The following SCOC variants were observed in gnomAD, a reference collection of about 807,000 sequenced individuals.
SCOC encodes the protein short coiled-coil protein, also known as short coiled coil protein.
In SCOC, 7 loss-of-function variants were observed where a neutral mutation model predicts 9.9. The observed-to-expected ratio is 0.71, with a 90% CI of 0.40 to 1.33. SCOC has a LOEUF of 1.33. Among genes scored for constraint, SCOC ranks in the 40% most tolerant of loss-of-function variants. The probability of loss-of-function intolerance (pLI) is 0.01; values close to 1 mark genes in which losing one functional copy is unlikely to be tolerated. For missense variants in SCOC, 66 were observed against 89.7 expected (o/e 0.74, Z 1.07); for synonymous variants, 19 against 28.2 (o/e 0.67, Z 1.03).
chr4:140,332,292 A>T (rs1732838960), intron 1 of SCOC, among the ~76,000 whole-genome samples: 1 of 149,806 alleles, frequency 6.7e-6, no homozygotes, highest in Admixed American at 6.7e-5. Context: ...TGTGTTTCAT[A>T]GTCTTTCTCA....
intron 2 of SCOC, among the ~76,000 whole-genome samples, chr4:140,362,552 C>A (rs896632276): frequency 1.3e-5 from 2 of 151,600 alleles, no homozygotes; most frequent in Non-Finnish European, 2.9e-5. Flanking sequence ...ACCTCAGCCA[C>A]CAAAAGTGCT....
At chr4:140,257,986 T>C (rs1040575362) in intron 1 of SCOC, among the ~76,000 whole-genome samples, 18 of 152,220 alleles carry the variant, frequency 1.2e-4, no homozygotes, top group Admixed American at 7.2e-4. Context: ...ATCCCAGGCA[T>C]GAGTGGGGTC....
intron 1 of SCOC, among the ~76,000 whole-genome samples, chr4:140,301,369 T>C (rs570059797): frequency 1.3e-5 from 2 of 152,252 alleles, no homozygotes; most frequent in East Asian, 1.9e-4. Flanking sequence ...AATTTGAAAG[T>C]CTCTTCCCTC....
chr4:140,289,013 A>G (rs1000101398), intron 1 of SCOC, among the ~76,000 whole-genome samples: 1 of 152,088 alleles, frequency 6.6e-6, no homozygotes, highest in East Asian at 1.9e-4. Flanking sequence ...ATGTCCACAC[A>G]CATGACACAC....
At chr4:140,317,737 A>G (rs1455407193) in intron 1 of SCOC, among the ~76,000 whole-genome samples, 3 of 149,826 alleles carry the variant, frequency 2.0e-5, no homozygotes, top group Non-Finnish European at 4.4e-5. Flanking sequence ...TAGGGTACAT[A>G]TGCACATTGT....
rs1397571446 is a variant in SCOC, at chr4:140,382,701, A to G, written c.*1597A>G. The G allele has an allele frequency of 1.3e-5, 2 of 152,670 alleles. No homozygotes were observed. Among genetic ancestry groups the G allele is most frequent in the Admixed American group, 6.5e-5 (1 of 15,284 alleles). 9.5% of individuals were successfully genotyped at this position (152,670 alleles called of 1,614,324 possible). ...GGGGAATAATATTTTTATTAATACA[A>G]CTATAACTGGTTATCAATATAAATA... On this transcript the variant is annotated 3_prime_UTR_variant, in exon 4 of 4. Coordinates refer to ENST00000608372, the MANE Select transcript of SCOC (RefSeq NM_001153484.2).
At chr4:140,345,923 C>G (rs1399811858) in intron 2 of SCOC, among the ~76,000 whole-genome samples, 1 of 152,138 alleles carries the variant, frequency 6.6e-6, no homozygotes, top group African/African-American at 2.4e-5. Flanking sequence ...TACTGGATTC[C>G]AGATACAATG....
intron 1 of SCOC, among the ~76,000 whole-genome samples, chr4:140,290,939 G>A (rs1731452396): frequency 6.6e-6 from 1 of 152,094 alleles, no homozygotes; most frequent in African/African-American, 2.4e-5. Context: ...AACATGTGGG[G>A]GCTTTCTCAA....
chr4:140,301,207 C>T (rs1415520640), intron 1 of SCOC, among the ~76,000 whole-genome samples: 1 of 152,066 alleles, frequency 6.6e-6, no homozygotes, highest in African/African-American at 2.4e-5. Flanking sequence ...GCGGAATGTA[C>T]AAGTGAAGGA....
At chr4:140,354,326 C>T (rs1727111649) in intron 2 of SCOC, among the ~76,000 whole-genome samples, 1 of 152,034 alleles carries the variant, frequency 6.6e-6, no homozygotes, top group South Asian at 2.1e-4. Context: ...GAGCCCTTTG[C>T]CATACTGTAA....
intron 1 of SCOC, among the ~76,000 whole-genome samples, chr4:140,270,609 C>T (rs1264066854): frequency 6.6e-6 from 1 of 152,142 alleles, no homozygotes; most frequent in Non-Finnish European, 1.5e-5. Context: ...GGGTCTACCC[C>T]TCATTGCCTG....
intron 1 of SCOC, among the ~76,000 whole-genome samples, chr4:140,281,460 G>A (rs922129439): frequency 2.1e-4 from 32 of 152,308 alleles, no homozygotes; most frequent in African/African-American, 7.2e-4. Flanking sequence ...GCCATCCCAA[G>A]GCTCCACATA....
chr4:140,289,049 G>A (rs1731390141), intron 1 of SCOC, among the ~76,000 whole-genome samples: 1 of 151,954 alleles, frequency 6.6e-6, no homozygotes, highest in South Asian at 2.1e-4. Context: ...CAACATACAT[G>A]ACCTCACACA....
intron 1 of SCOC, among the ~76,000 whole-genome samples, chr4:140,333,974 G>A (rs1352364586): frequency 6.6e-6 from 1 of 152,146 alleles, no homozygotes; most frequent in Non-Finnish European, 1.5e-5. Flanking sequence ...CTGGAGTGCA[G>A]TGGTGTGATC....
intron 1 of SCOC, among the ~76,000 whole-genome samples, chr4:140,325,041 G>A (rs551344539): frequency 1.7e-4 from 26 of 152,048 alleles, no homozygotes; most frequent in Non-Finnish European, 3.5e-4. Flanking sequence ...AATATTGTCA[G>A]CTGATTTTTA....
chr4:140,273,005 C>G (rs556194414), intron 1 of SCOC, among the ~76,000 whole-genome samples: 2 of 152,296 alleles, frequency 1.3e-5, no homozygotes, highest in South Asian at 4.1e-4. Context: ...TCAGAGAAAA[C>G]AAACACCCAG....
chr4:140,275,104 A>G (rs757379490), intron 1 of SCOC, among the ~76,000 whole-genome samples: 2 of 152,212 alleles, frequency 1.3e-5, no homozygotes, highest in African/African-American at 2.4e-5. Context: ...AACTAGTATG[A>G]TTGGTCCATG....
intron 1 of SCOC, among the ~76,000 whole-genome samples, chr4:140,331,293 T>C (rs1055676487): frequency 4.6e-5 from 7 of 152,182 alleles, no homozygotes; most frequent in Non-Finnish European, 7.4e-5. Flanking sequence ...ACTATGAAAA[T>C]AAACATTTTC....
intron 2 of SCOC, chr4:140,366,852 G>A: frequency 1.3e-6 from 1 of 789,354 alleles, no homozygotes; most frequent in Non-Finnish European, 2.3e-6. Flanking sequence ...CGAAGCGCCT[G>A]AACACCATGT....
Sources: gnomAD v4.1 joint callset for allele counts (sites outside exome capture counted in the v4.1 genomes callset) on GRCh38, gnomAD v4.1.1 for gene constraint, MANE v1.5 for transcripts, NCBI Gene and HGNC (gene_info 2026-07-23, HGNC 2026-07-21) for gene names.